TRHDE: variants seen among roughly 807,000 people sequenced by gnomAD.
TRHDE encodes the protein thyrotropin releasing hormone degrading enzyme.
Under a neutral mutation model 125.7 loss-of-function variants are expected in TRHDE, and 72 were observed. The observed-to-expected ratio is 0.57, with a 90% CI of 0.47 to 0.70. TRHDE has a LOEUF of 0.70. Among genes scored for constraint, TRHDE ranks in the 30% least tolerant of loss-of-function variants. TRHDE has a pLI of 0.00. For missense variants in TRHDE, 1,110 were observed against 1,327.1 expected (o/e 0.84, Z 2.54); for synonymous variants, 509 against 509.1 (o/e 1.00, Z 0.00).
intron 2 of TRHDE, among the ~76,000 whole-genome samples, chr12:72,221,609 A>C (rs752190480): frequency 2.6e-5 from 4 of 152,102 alleles, no homozygotes; most frequent in Non-Finnish European, 4.4e-5. Context: ...GTTTAAAGGA[A>C]AAAGTCCAGA....
chr12:72,259,221 A>G (rs1162033041), intron 2 of TRHDE, among the ~76,000 whole-genome samples: 2 of 152,072 alleles, frequency 1.3e-5, no homozygotes, highest in Non-Finnish European at 2.9e-5. Flanking sequence ...TTACTATATA[A>G]TTGTGGATTC....
At chr12:72,187,468 GGTT>G (rs1877246436) in intron 2 of TRHDE, among the ~76,000 whole-genome samples, 1 of 144,654 alleles carries the variant, frequency 6.9e-6, no homozygotes, top group African/African-American at 2.6e-5. Flanking sequence ...TGGTGGTGGT[GGTT>G]GTGGTCGTGG....
chr12:72,425,468 T>C (rs12305935), intron 3 of TRHDE, among the ~76,000 whole-genome samples: 13,692 of 152,152 alleles, frequency 0.09, 737 homozygotes, highest in Admixed American at 0.14. Flanking sequence ...CTGTTGGCTC[T>C]ATTTAGCTTA....
intron 7 of TRHDE, among the ~76,000 whole-genome samples, chr12:72,547,307 T>C (rs1242334001): frequency 2.0e-5 from 3 of 151,658 alleles, no homozygotes; most frequent in Admixed American, 6.6e-5. Flanking sequence ...TGATGAGAGA[T>C]ATAAGGAAAT....
At chr12:72,597,573 C>T (rs1252934265) in intron 12 of TRHDE, among the ~76,000 whole-genome samples, 6 of 146,822 alleles carry the variant, frequency 4.1e-5, no homozygotes, top group East Asian at 4.1e-4. Flanking sequence ...GGGGCTGAAG[C>T]GGGAGAATCG....
intron 6 of TRHDE, among the ~76,000 whole-genome samples, chr12:72,512,414 CT>C (rs1031989809): frequency 8.8e-5 from 10 of 114,024 alleles, no homozygotes; most frequent in Non-Finnish European, 1.2e-4. Context: ...ATAATTATAA[CT>C]ATATAATATA....
chr12:72,456,381 T>C (rs372119231), intron 3 of TRHDE, among the ~76,000 whole-genome samples: 83 of 152,298 alleles, frequency 5.4e-4, no homozygotes, highest in Non-Finnish European at 9.3e-4. Flanking sequence ...TATTTTAATA[T>C]AGCACTTCAT....
chr12:72,552,113 C>A (rs1211407789), intron 7 of TRHDE, among the ~76,000 whole-genome samples: 1 of 152,076 alleles, frequency 6.6e-6, no homozygotes, highest in African/African-American at 2.4e-5. Context: ...CCATATTATT[C>A]CAAGTGCTGT....
intron 2 of TRHDE, among the ~76,000 whole-genome samples, chr12:72,187,251 G>A (rs1186287709): frequency 6.6e-6 from 1 of 150,810 alleles, no homozygotes; most frequent in Non-Finnish European, 1.5e-5. Context: ...TAAAAGCTCA[G>A]CAAGCTGAAA....
intron 1 of TRHDE, among the ~76,000 whole-genome samples, chr12:72,280,938 A>T (rs989100908): frequency 1.3e-5 from 2 of 152,186 alleles, no homozygotes; most frequent in African/African-American, 4.8e-5. Context: ...CACGAATTTT[A>T]TTTATTTTTA....
chr12:72,649,022 C>T (rs1197923864), intron 15 of TRHDE, among the ~76,000 whole-genome samples: 1 of 151,332 alleles, frequency 6.6e-6, no homozygotes, highest in Non-Finnish European at 1.5e-5. Flanking sequence ...TCCAATGACA[C>T]TTAAAAAAAA....
At chr12:72,092,388 A>G (rs1377381772) in intron 1 of TRHDE, among the ~76,000 whole-genome samples, 1 of 152,242 alleles carries the variant, frequency 6.6e-6, no homozygotes, top group Non-Finnish European at 1.5e-5. Context: ...TTATTGGCCC[A>G]TGTAACTGGA....
At chr12:72,514,364 T>C (rs1387686668) in intron 6 of TRHDE, among the ~76,000 whole-genome samples, 1 of 151,662 alleles carries the variant, frequency 6.6e-6, no homozygotes, top group African/African-American at 2.4e-5. Context: ...TTTGAGGAAA[T>C]AAAAAGAGAC....
rs569730767 is a variant in TRHDE at position 72,668,503 on chromosome 12, G to A, written c.*5308G>A. ...AGTATTTTGAAGATGTTTATCTTTT[G>A]TACATTCCTAGTTCATTTATTAATG... On this transcript the variant is annotated 3_prime_UTR_variant, in exon 19 of 19. Coordinates refer to ENST00000261180, the MANE Select transcript of TRHDE (RefSeq NM_013381.3). 3.9e-4 allele frequency: 59 copies of A among 151,676 alleles called. No homozygotes were observed. Among genetic ancestry groups the A allele is most frequent in the African/African-American group, 1.4e-3 (59 of 41,460 alleles). 9.4% of individuals were successfully genotyped at this position (151,676 alleles called of 1,614,324 possible).
chr12:72,513,179 C>T (rs933209016), intron 6 of TRHDE, among the ~76,000 whole-genome samples: 1 of 151,958 alleles, frequency 6.6e-6, no homozygotes, highest in Non-Finnish European at 1.5e-5. Flanking sequence ...TCGTGTGGAC[C>T]TAAATATTAT....
At chr12:72,238,321 T>C (rs12828643) in intron 2 of TRHDE, among the ~76,000 whole-genome samples, 3,993 of 30,082 alleles carry the variant, frequency 0.13, 659 homozygotes, top group Non-Finnish European at 0.16. Flanking sequence ...TATATATATA[T>C]ACATATATAT....
At chr12:72,594,429 GCTGGT>G (rs1014445355) in intron 12 of TRHDE, among the ~76,000 whole-genome samples, 1 of 151,046 alleles carries the variant, frequency 6.6e-6, no homozygotes, top group African/African-American at 2.4e-5. Context: ...TGTTGGTCAG[GCTGGT>G]CTCGAACTCC....
chr12:72,293,337 G>T (rs947721790), intron 2 of TRHDE, among the ~76,000 whole-genome samples: 2 of 152,072 alleles, frequency 1.3e-5, no homozygotes, highest in Non-Finnish European at 2.9e-5. Context: ...CTGTGCAGAA[G>T]TTTTTAGTTT....
intron 10 of TRHDE, among the ~76,000 whole-genome samples, chr12:72,574,791 G>A (rs1870912689): frequency 6.6e-6 from 1 of 152,046 alleles, no homozygotes; most frequent in Non-Finnish European, 1.5e-5. Context: ...TCTCAAGAAA[G>A]CACAAGAAAA....
Sources: gnomAD v4.1 joint callset for allele counts (sites outside exome capture counted in the v4.1 genomes callset) on GRCh38, gnomAD v4.1.1 for gene constraint, MANE v1.5 for transcripts, NCBI Gene and HGNC (gene_info 2026-07-23, HGNC 2026-07-21) for gene names.